WFDC1: variants seen among roughly 807,000 people sequenced by gnomAD.
The protein encoded by WFDC1 is WAP four-disulfide core domain 1.
WFDC1 carries 39 observed loss-of-function variants against 32.9 expected under a neutral mutation model. The ratio of observed to expected loss-of-function variants is 1.19; its 90% CI spans 0.92 to 1.55. WFDC1 has a LOEUF of 1.55. WFDC1 is among the 40% of genes most tolerant of loss of function. WFDC1 has a pLI of 0.00. For synonymous variants in WFDC1, 184 were observed against 137.4 expected (o/e 1.34, Z -2.37); for missense variants, 386 against 309.5 (o/e 1.25, Z -1.85).
chr16:84,307,332 G>A (rs779370634), intron 1 of WFDC1, among the ~76,000 whole-genome samples: 23 of 152,298 alleles, frequency 1.5e-4, no homozygotes, highest in Non-Finnish European at 2.8e-4. Context: ...GTCACCTTGC[G>A]TGACATGAAA....
chr16:84,320,323 G>A (rs1289744209), intron 4 of WFDC1, among the ~76,000 whole-genome samples: 1 of 152,152 alleles, frequency 6.6e-6, no homozygotes, highest in Non-Finnish European at 1.5e-5. Flanking sequence ...CTTGTAGGGG[G>A]TATATCAGTA....
At chr16:84,327,245 C>G in intron 6 of WFDC1, 1 of 356,132 alleles carries the variant, frequency 2.8e-6, no homozygotes, top group Non-Finnish European at 5.3e-6. Flanking sequence ...GGCTGGAGTG[C>G]ACTGGCACAA....
rs1008585823 is a variant in WFDC1, at chr16:84,318,439, G to C, written c.421+84G>C. 5.1e-6 allele frequency: 7 copies of C among 1,384,362 alleles called. No homozygotes were observed. In the African/African-American group the frequency reaches 1.0e-4, roughly 20 times the overall value. The allele number at this position is 1,384,362 out of a possible 1,614,324, so 85.8% of individuals were successfully genotyped here. A position where few individuals can be genotyped will look rare whatever the true frequency, so the allele number is the denominator to read the frequency against. On this transcript the variant is annotated intron_variant, in intron 3 of 6. Transcript: ENST00000219454. The stretch of plus-strand genomic sequence containing the variant: ...GCTTCCAGAAAGCTGGCAGCACCAG[G>C]CCGGCTGTCCCCCATGCACGGGCCC...
At chr16:84,313,933 T>C (rs1451978937) in intron 2 of WFDC1, among the ~76,000 whole-genome samples, 1 of 152,034 alleles carries the variant, frequency 6.6e-6, no homozygotes, top group Non-Finnish European at 1.5e-5. Context: ...TCCCAGCTAC[T>C]TGGGAGACTG....
intron 2 of WFDC1, among the ~76,000 whole-genome samples, chr16:84,314,939 T>C (rs913856882): frequency 7.2e-5 from 11 of 152,208 alleles, no homozygotes; most frequent in African/African-American, 2.7e-4. Context: ...TCATACATCA[T>C]CTCGTTTCAC....
At chr16:84,304,524 G>A (rs1022284211) in intron 1 of WFDC1, among the ~76,000 whole-genome samples, 53 of 152,094 alleles carry the variant, frequency 3.5e-4, no homozygotes, top group African/African-American at 1.2e-3. Flanking sequence ...CACCGCGCCC[G>A]GCCAGGAATC....
At chr16:84,297,241 C>T (rs1429324922) in intron 1 of WFDC1, among the ~76,000 whole-genome samples, 1 of 152,160 alleles carries the variant, frequency 6.6e-6, no homozygotes, top group African/African-American at 2.4e-5. Flanking sequence ...GAATTGGCTC[C>T]TCGCTGAATT....
chr16:84,303,649 C>G (rs1028207694), intron 1 of WFDC1, among the ~76,000 whole-genome samples: 1 of 152,188 alleles, frequency 6.6e-6, no homozygotes, highest in African/African-American at 2.4e-5. Context: ...TTTATTCGTA[C>G]TGATTCAGAT....
At chr16:84,309,706 C>T (rs1907496221) in intron 1 of WFDC1, among the ~76,000 whole-genome samples, 1 of 152,014 alleles carries the variant, frequency 6.6e-6, no homozygotes, top group Admixed American at 6.6e-5. Flanking sequence ...GCCCCCCCAA[C>T]TCCAGAGGTT....
intron 1 of WFDC1, among the ~76,000 whole-genome samples, chr16:84,302,908 C>T (rs1041632078): frequency 6.6e-6 from 1 of 152,138 alleles, no homozygotes; most frequent in East Asian, 1.9e-4. Context: ...TAAAACCTTC[C>T]GGAACAGAAT....
intron 6 of WFDC1, chr16:84,329,074 T>C (rs1284152839): frequency 1.3e-5 from 2 of 152,132 alleles, no homozygotes. Flanking sequence ...ATCTATAAAA[T>C]GGAACTGATG....
chr16:84,325,869 T>A (rs984092221), intron 5 of WFDC1: 2 of 152,064 alleles, frequency 1.3e-5, no homozygotes, highest in Non-Finnish European at 2.9e-5. Context: ...CATCCATCCA[T>A]CTGCCCATTC....
chr16:84,295,265 G>C (rs927314583), intron 1 of WFDC1, 150 bp downstream of exon 1: 42 of 1,049,898 alleles, frequency 4.0e-5, no homozygotes, highest in Non-Finnish European at 5.1e-5. Flanking sequence ...TGTCTGAGTT[G>C]TGTGGTGGGC....
chr16:84,302,109 C>T (rs1366309088), intron 1 of WFDC1, among the ~76,000 whole-genome samples: 1 of 152,084 alleles, frequency 6.6e-6, no homozygotes, highest in East Asian at 1.9e-4. Flanking sequence ...GCTGAGTGCA[C>T]AAAGGCCACG....
intron 2 of WFDC1, among the ~76,000 whole-genome samples, chr16:84,314,240 A>T (rs1003296215): frequency 6.6e-6 from 1 of 152,092 alleles, no homozygotes; most frequent in Non-Finnish European, 1.5e-5. Flanking sequence ...CCTTTTGAAG[A>T]GAAGGTTTGG....
chr16:84,298,259 C>T (rs60987854), intron 1 of WFDC1, among the ~76,000 whole-genome samples: 6,114 of 152,006 alleles, frequency 0.04, 362 homozygotes, highest in African/African-American at 0.14. Flanking sequence ...AGGCATGTAC[C>T]ACCACGCCTG....
At chr16:84,309,952 A>G (rs1317695119) in intron 1 of WFDC1, among the ~76,000 whole-genome samples, 1 of 152,080 alleles carries the variant, frequency 6.6e-6, no homozygotes, top group Non-Finnish European at 1.5e-5. Context: ...TGGAAAATGC[A>G]GAATCATCTC....
intron 4 of WFDC1, among the ~76,000 whole-genome samples, chr16:84,320,065 G>A (rs1265029902): frequency 6.6e-6 from 1 of 152,202 alleles, no homozygotes; most frequent in Non-Finnish European, 1.5e-5. Flanking sequence ...TGGTGCAGAA[G>A]CAACATGCAT....
rs137942353 is a variant in WFDC1 at position 84,304,587 on chromosome 16, C to G, written c.145-8374C>G. Among the ~76,000 whole-genome samples the G allele has an allele frequency of 4.5e-3, 678 of 152,250 alleles. 7 individuals are homozygous for G. Among genetic ancestry groups the G allele is most frequent in the South Asian group, 8.3e-3 (40 of 4,820 alleles). The stretch of plus-strand genomic sequence containing the variant: ...CCGGAGGGTTCTTGTCTAAGTTGTA[C>G]CATGAATGTGTGCTCAGTGGCTACT... On this transcript the variant is annotated intron_variant, in intron 1 of 6. Coordinates refer to ENST00000219454, the MANE Select transcript of WFDC1 (RefSeq NM_021197.4).
Sources: allele counts gnomAD v4.1 joint callset (sites outside exome capture counted in the v4.1 genomes callset), GRCh38; gene constraint gnomAD v4.1.1; transcripts MANE v1.5; gene names NCBI Gene and HGNC (gene_info 2026-07-23, HGNC 2026-07-21).